The following ARHGEF10 variants were observed in gnomAD, a reference collection of about 807,000 sequenced individuals.
ARHGEF10 encodes the protein Rho guanine nucleotide exchange factor (GEF) 10.
A neutral mutation model predicts 147.4 loss-of-function variants in ARHGEF10; 140 were observed. That is an observed-to-expected ratio of 0.95 (90% CI 0.83 to 1.09). The LOEUF (loss-of-function observed/expected upper bound fraction) is 1.09. Ranked by LOEUF, ARHGEF10 falls within the 50% of genes least tolerant of loss-of-function variation. ARHGEF10 has a pLI of 0.00. For missense variants in ARHGEF10, 2,222 were observed against 1,752.7 expected, an observed-to-expected ratio of 1.27 and a Z score of -4.78; for synonymous variants, 902 against 695.8, an observed-to-expected ratio of 1.30 and a Z score of -4.67.
intron 26 of ARHGEF10, among the ~76,000 whole-genome samples, chr8:1,944,497 G>A (rs1208504470): frequency 6.6e-6 from 1 of 152,250 alleles, no homozygotes; most frequent in East Asian, 1.9e-4. Context: ...GCCGCAGGAT[G>A]GGGTTTGGTG....
chr8:1,924,072 A>T (rs543612814), intron 21 of ARHGEF10, among the ~76,000 whole-genome samples, 198 bp downstream of exon 21: 2 of 152,350 alleles, frequency 1.3e-5, no homozygotes, highest in South Asian at 4.1e-4. Flanking sequence ...GGGATCGCAT[A>T]TTAAAATGGA....
At chr8:1,917,171 A>G (rs1284788918) in intron 18 of ARHGEF10, among the ~76,000 whole-genome samples, 1 of 152,276 alleles carries the variant, frequency 6.6e-6, no homozygotes, top group African/African-American at 2.4e-5. Flanking sequence ...GTCAAAGAGT[A>G]GAACATTTGT....
chr8:1,854,948 G>T (rs1805439304), intron 2 of ARHGEF10, among the ~76,000 whole-genome samples: 1 of 152,072 alleles, frequency 6.6e-6, no homozygotes, highest in South Asian at 2.1e-4. Context: ...TAATCCCACC[G>T]GTCTCCCGGG....
Position 1,868,312 on chromosome 8 carries a change from T to C in ARHGEF10, c.623-882T>C, listed in dbSNP as rs80117124. ...TTTGTTGGTCTCATTTTCTGTCTTA[T>C]GTGGCTGAGGAAGCGGTTGTCTGTA... On this transcript the variant is annotated intron_variant, in intron 6 of 28. Coordinates refer to ENST00000349830, the MANE Select transcript of ARHGEF10 (RefSeq NM_014629.4). Among the ~76,000 whole-genome samples the C allele has an allele frequency of 2.1e-3, 325 of 152,370 alleles. 11 individuals carry two copies. In the East Asian group the frequency reaches 0.042, roughly 20 times the overall value.
chr8:1,923,181 T>A, intron 19 of ARHGEF10, 102 bp downstream of exon 19: 1 of 1,000,296 alleles, frequency 1.0e-6, no homozygotes, highest in Non-Finnish European at 1.5e-6. Flanking sequence ...AGAATTCATT[T>A]TGACTTTAAA....
chr8:1,943,492 A>G (rs556963862), intron 26 of ARHGEF10: 1 of 152,444 alleles, frequency 6.6e-6, no homozygotes, highest in Non-Finnish European at 1.5e-5. Flanking sequence ...CGCTAGAACC[A>G]TCTGGAATCC....
At chr8:1,840,134 GAA>G (rs1803903103) in intron 1 of ARHGEF10, among the ~76,000 whole-genome samples, 1 of 135,436 alleles carries the variant, frequency 7.4e-6, no homozygotes, top group African/African-American at 3.0e-5. Flanking sequence ...GTCCTGTGTG[GAA>G]GCTGTCTGGT....
At chr8:1,933,558 C>T (rs762550040) in intron 25 of ARHGEF10, among the ~76,000 whole-genome samples, 10 of 52,372 alleles carry the variant, frequency 1.9e-4, no homozygotes, top group South Asian at 1.0e-3. Context: ...GGCAGGGGGG[C>T]GGGTGGGGGG....
intron 2 of ARHGEF10, among the ~76,000 whole-genome samples, chr8:1,848,471 C>T (rs1045757618): frequency 2.6e-5 from 4 of 151,548 alleles, no homozygotes; most frequent in Non-Finnish European, 5.9e-5. Context: ...CAGAATAACA[C>T]AGCAGGATGG....
Position 1,882,670 on chromosome 8 carries a change from C to G in ARHGEF10, c.996C>G (p.Thr332=). Residue 332 remains threonine, a synonymous_variant, in exon 10 of 29, where the codon ACC becomes ACG. Coordinates refer to ENST00000349830, the MANE Select transcript of ARHGEF10 (RefSeq NM_014629.4). The part of the protein sequence containing the change: ...QKLVKAAKDG[T]KDGLERTRAA... ...TCGTGAAGGCCGCGAAGGACGGCAC[C>G]AAGGACGGGCTGGAGAGGACCAGGG... 3 of 1,556,256 alleles carry G rather than the reference C, an allele frequency of 1.9e-6. No individual in the cohort carries two copies. Among genetic ancestry groups the G allele is most frequent in the Non-Finnish European group, 2.6e-6 (3 of 1,149,336 alleles).
rs533428653 is a variant in ARHGEF10, at chr8:1,852,234, G to A, written c.38-5726G>A. Among the ~76,000 whole-genome samples the A allele has an allele frequency of 4.4e-3, 656 of 148,030 alleles. 1 individual carries two copies. The highest frequency in any genetic ancestry group is 0.015 in the African/African-American group (612 of 40,124). On this transcript the variant is annotated intron_variant, in intron 2 of 28. Transcript: ENST00000349830. Reference sequence around the variant, plus strand: ...CCTCTCCATCATCCTGGAGAGGACCGGGGAGCAGCACCGTTTCTGTCCTGA... The same window carrying A: ...CCTCTCCATCATCCTGGAGAGGACCAGGGAGCAGCACCGTTTCTGTCCTGA...
intron 1 of ARHGEF10, among the ~76,000 whole-genome samples, chr8:1,842,824 A>G (rs1377656062): frequency 6.6e-6 from 1 of 152,232 alleles, no homozygotes; most frequent in Admixed American, 6.5e-5. Flanking sequence ...GAATCACAAC[A>G]GCAGGCAGGC....
At chr8:1,880,236 G>A (rs892953081) in intron 9 of ARHGEF10, 72 bp downstream of exon 9, 25 of 1,044,990 alleles carry the variant, frequency 2.4e-5, no homozygotes, top group South Asian at 5.0e-5. Flanking sequence ...CGGCTCGGTC[G>A]GTCCTTGCTG....
At chr8:1,826,587 C>A (rs1194021101) in intron 1 of ARHGEF10, among the ~76,000 whole-genome samples, 6 of 152,132 alleles carry the variant, frequency 3.9e-5, no homozygotes, top group African/African-American at 1.4e-4. Context: ...TACGAAGTTG[C>A]TAGAAGGCGT....
intron 26 of ARHGEF10, among the ~76,000 whole-genome samples, chr8:1,936,129 G>T (rs1813583443): frequency 6.6e-6 from 1 of 152,212 alleles, no homozygotes; most frequent in Non-Finnish European, 1.5e-5. Flanking sequence ...TTTACTGTCT[G>T]TTCTTGGCCA....
chr8:1,940,565 G>T (rs1814003321), intron 26 of ARHGEF10, among the ~76,000 whole-genome samples: 1 of 152,116 alleles, frequency 6.6e-6, no homozygotes, highest in African/African-American at 2.4e-5. Context: ...TCTTTAAAAA[G>T]AATTAACAGT....
chr8:1,843,806 C>T (rs1469823308), intron 2 of ARHGEF10, among the ~76,000 whole-genome samples: 1 of 152,202 alleles, frequency 6.6e-6, no homozygotes, highest in African/African-American at 2.4e-5. Flanking sequence ...AAGCTCAGCT[C>T]GCCCATGGCG....
intron 6 of ARHGEF10, among the ~76,000 whole-genome samples, chr8:1,867,777 C>G (rs1806749021): frequency 6.6e-6 from 1 of 152,156 alleles, no homozygotes; most frequent in Non-Finnish European, 1.5e-5. Flanking sequence ...TCACTAATTT[C>G]TATGTTACTG....
intron 2 of ARHGEF10, among the ~76,000 whole-genome samples, chr8:1,854,894 G>T (rs1184265371): frequency 6.6e-6 from 1 of 152,092 alleles, no homozygotes; most frequent in Non-Finnish European, 1.5e-5. Flanking sequence ...GTTCTTCTCA[G>T]GGTCATACCT....
Sources: gnomAD v4.1 joint callset for allele counts (sites outside exome capture counted in the v4.1 genomes callset) on GRCh38, gnomAD v4.1.1 for gene constraint, MANE v1.5 for transcripts, NCBI Gene and HGNC (gene_info 2026-07-23, HGNC 2026-07-21) for gene names.